The following SRBD1 variants were observed in gnomAD, a reference collection of about 807,000 sequenced individuals.
SRBD1 encodes S1 RNA binding domain 1.
Under a neutral mutation model 115.3 loss-of-function variants are expected in SRBD1, and 88 were observed. The observed-to-expected ratio is 0.76, with a 90% CI of 0.64 to 0.91. The LOEUF is 0.91. Ranked by LOEUF, SRBD1 falls within the 40% of genes least tolerant of loss-of-function variation. The probability of loss-of-function intolerance (pLI) is 0.00; values close to 1 mark genes in which losing one functional copy is unlikely to be tolerated. For synonymous variants in SRBD1, 509 were observed against 407.7 expected (o/e 1.25, Z -2.99); for missense variants, 1,385 against 1,177.4 (o/e 1.18, Z -2.58).
At chr2:45,479,867 G>A (rs944491173) in intron 15 of SRBD1, among the ~76,000 whole-genome samples, 2 of 152,184 alleles carry the variant, frequency 1.3e-5, no homozygotes, top group Non-Finnish European at 2.9e-5. Context: ...TCAAAAGACA[G>A]CCTGACTCAT....
Position 45,464,925 on chromosome 2 carries a change from A to G in SRBD1, c.2049+12068T>C, listed in dbSNP as rs566965503. ...TGAAGTGGTTTTACCGACATCTTTA[A>G]ACATTTGTCATAACTATTCTCAATT... is the stretch of plus-strand genomic sequence containing the variant. On this transcript the variant is annotated intron_variant, in intron 16 of 20. Coordinates refer to ENST00000263736, the MANE Select transcript of SRBD1 (RefSeq NM_018079.5). Among the ~76,000 whole-genome samples, 3 of 152,040 alleles carry G rather than the reference A, an allele frequency of 2.0e-5. No individual in the cohort carries two copies. In the East Asian group the frequency reaches 5.8e-4, roughly 29 times the overall value.
In SRBD1 at chr2:45,606,805, T is replaced by C. The variant is rs571872335; in HGVS notation, c.1-1364A>G. Among the ~76,000 whole-genome samples, 7 of 152,350 alleles carry C rather than the reference T, an allele frequency of 4.6e-5. No homozygotes were observed. The South Asian group carries it at 1.2e-3, about 27-fold the overall frequency. ...AAGTGGCTGCCTGATATTATTACCA[T>C]AAAACCATCAAACTATAAGGACTAC... On this transcript the variant is annotated intron_variant, in intron 1 of 20. Transcript: ENST00000263736.
intron 17 of SRBD1, 129 bp from the exon 18 acceptor site, chr2:45,418,670 G>T: frequency 4.2e-6 from 3 of 721,612 alleles, no homozygotes; most frequent in Non-Finnish European, 5.5e-6. Flanking sequence ...AATCCAAAAG[G>T]GAGTTTAAAA....
intron 10 of SRBD1, among the ~76,000 whole-genome samples, chr2:45,556,015 A>C (rs1011422331): frequency 1.3e-5 from 2 of 152,212 alleles, no homozygotes; most frequent in Non-Finnish European, 1.5e-5. Context: ...TTAGGCTAGG[A>C]AATGAACTAC....
At chr2:45,603,432 C>T (rs1253942042) in intron 2 of SRBD1, among the ~76,000 whole-genome samples, 1 of 152,178 alleles carries the variant, frequency 6.6e-6, no homozygotes, top group Non-Finnish European at 1.5e-5. Flanking sequence ...TTCTCCCTAA[C>T]CTCTAAATGC....
intron 19 of SRBD1, among the ~76,000 whole-genome samples, chr2:45,405,026 A>G (rs1361494231): frequency 1.3e-5 from 2 of 152,108 alleles, no homozygotes; most frequent in Admixed American, 6.6e-5. Flanking sequence ...GCCTGCGATG[A>G]CTACCCTACT....
At chr2:45,587,622 C>G (rs1053290783) in intron 4 of SRBD1, among the ~76,000 whole-genome samples, 1 of 152,016 alleles carries the variant, frequency 6.6e-6, no homozygotes, top group African/African-American at 2.4e-5. Context: ...GACTGAATTT[C>G]AAGACTACAT....
chr2:45,392,463 G>C (rs1667030457), intron 20 of SRBD1, among the ~76,000 whole-genome samples: 1 of 152,196 alleles, frequency 6.6e-6, no homozygotes, highest in African/African-American at 2.4e-5. Context: ...TGAAAGCTGA[G>C]AGCACTTTTA....
chr2:45,419,880 C>T lies in SRBD1; in HGVS notation c.2064G>A (p.Gln688=). ...TGTCCAGTGTTGCCTTGAGTAAAGT[C>T]TGGGATACGTCATGCTGAAAAGACA... ...GVGMYQHDVS[Q]TLLKATLDSV... Residue 688 remains glutamine (Q), a synonymous_variant, in exon 17 of 21, where the codon CAG becomes CAA. Coordinates refer to ENST00000263736, the MANE Select transcript of SRBD1 (RefSeq NM_018079.5). 6.2e-7 allele frequency: 1 copy of T among 1,613,254 alleles called. No individual in the cohort carries two copies. Among genetic ancestry groups the T allele is most frequent in the East Asian group, 2.2e-5 (1 of 44,856 alleles).
At chr2:45,465,275 G>A (rs944586854) in intron 16 of SRBD1, among the ~76,000 whole-genome samples, 3 of 151,896 alleles carry the variant, frequency 2.0e-5, no homozygotes, top group African/African-American at 7.3e-5. Flanking sequence ...CAATGACACG[G>A]AAAAAAAGTC....
At chr2:45,561,910 T>C (rs999280347) in intron 10 of SRBD1, among the ~76,000 whole-genome samples, 1 of 152,222 alleles carries the variant, frequency 6.6e-6, no homozygotes, top group African/African-American at 2.4e-5. Context: ...TGCTTATTTA[T>C]ATTGTAATAT....
intron 19 of SRBD1, among the ~76,000 whole-genome samples, chr2:45,407,497 T>C (rs1667472084): frequency 6.6e-6 from 1 of 152,206 alleles, no homozygotes; most frequent in South Asian, 2.1e-4. Context: ...ATGTAAGTTT[T>C]ATCCTCCCCA....
At chr2:45,392,651 A>G (rs186692743) in intron 20 of SRBD1, among the ~76,000 whole-genome samples, 1 of 152,356 alleles carries the variant, frequency 6.6e-6, no homozygotes, top group Non-Finnish European at 1.5e-5. Flanking sequence ...CAAAAGGACC[A>G]TAAAAAAATG....
chr2:45,579,784 A>C, intron 7 of SRBD1, 91 bp downstream of exon 7: 1 of 1,348,156 alleles, frequency 7.4e-7, no homozygotes, highest in Non-Finnish European at 9.8e-7. Context: ...TTGTATAATC[A>C]GTACTTAACA....
chr2:45,546,900 G>A (rs1388398901), intron 13 of SRBD1, 61 bp from the exon 14 acceptor site: 1 of 1,469,494 alleles, frequency 6.8e-7, no homozygotes, highest in Non-Finnish European at 9.5e-7. Flanking sequence ...ATCAGCTGGA[G>A]AAAATGTACA....
intron 15 of SRBD1, among the ~76,000 whole-genome samples, chr2:45,483,750 T>G (rs900347192): frequency 6.6e-6 from 1 of 152,146 alleles, no homozygotes; most frequent in Non-Finnish European, 1.5e-5. Flanking sequence ...TCCCCCATGT[T>G]GTCTTTTTCA....
chr2:45,523,089 T>A (rs1671336375), intron 14 of SRBD1, among the ~76,000 whole-genome samples: 1 of 148,290 alleles, frequency 6.7e-6, no homozygotes. Flanking sequence ...AATTAATGAG[T>A]CAAAAAAGAA....
At chr2:45,507,674 C>T (rs1454828555) in intron 14 of SRBD1, among the ~76,000 whole-genome samples, 2 of 151,728 alleles carry the variant, frequency 1.3e-5, no homozygotes, top group Non-Finnish European at 2.9e-5. Flanking sequence ...GAGCTGAGAT[C>T]GTGCCACTGT....
At chr2:45,476,557 G>GT (rs903137214) in intron 16 of SRBD1, among the ~76,000 whole-genome samples, 1 of 152,034 alleles carries the variant, frequency 6.6e-6, no homozygotes, top group African/African-American at 2.4e-5. Context: ...TAAAAATACA[G>GT]TAACAACAAA....
Sources: gnomAD v4.1 joint callset for allele counts (sites outside exome capture counted in the v4.1 genomes callset) on GRCh38, gnomAD v4.1.1 for gene constraint, MANE v1.5 for transcripts, NCBI Gene and HGNC (gene_info 2026-07-23, HGNC 2026-07-21) for gene names.